The following MRTFA variants were observed in gnomAD, a reference collection of about 807,000 sequenced individuals.
The protein encoded by MRTFA is myocardin related transcription factor A.
Under a neutral mutation model 83.5 loss-of-function variants are expected in MRTFA, and 20 were observed. The observed-to-expected ratio is 0.24, with a 90% CI of 0.17 to 0.35. The LOEUF (loss-of-function observed/expected upper bound fraction) is 0.35, where lower values mean the gene tolerates loss of function less well. Ranked by LOEUF, MRTFA falls within the 10% of genes least tolerant of loss-of-function variation. The probability of loss-of-function intolerance (pLI) is 1.00; values close to 1 mark genes in which losing one functional copy is unlikely to be tolerated. For synonymous variants in MRTFA, 659 were observed against 541.2 expected (o/e 1.22, Z -3.02); for missense variants, 1,200 against 1,224.7 (o/e 0.98, Z 0.30).
chr22:40,486,512 C>T (rs1602321019), intron 3 of MRTFA, among the ~76,000 whole-genome samples: 1 of 152,114 alleles, frequency 6.6e-6, no homozygotes, highest in East Asian at 1.9e-4. Context: ...TTTCTTCCTT[C>T]CACTCTAGGA....
rs1569298815 is a variant in MRTFA at position 40,500,004 on chromosome 22, ACCG to A, written c.242-36721_242-36719del. ...TGGTACGATCTCGGCTCACCGGCTC[ACCG>A]CAACGTCCGCCTCCAGGGTTCAAGC... On this transcript the variant is annotated intron_variant, in intron 3 of 14. Coordinates refer to ENST00000355630, the MANE Select transcript of MRTFA (RefSeq NM_020831.6). Among the ~76,000 whole-genome samples, 49 of 133,392 alleles carry A rather than the reference ACCG, an allele frequency of 3.7e-4. 3 individuals carry two copies. Among genetic ancestry groups the A allele is most frequent in the African/African-American group, 1.3e-3 (44 of 34,936 alleles). The allele number at this position is 133,392 out of a possible 152,430, so 87.5% of individuals were successfully genotyped here.
intron 1 of MRTFA, among the ~76,000 whole-genome samples, chr22:40,624,033 C>T (rs958233122): frequency 2.6e-5 from 4 of 151,976 alleles, no homozygotes; most frequent in Non-Finnish European, 5.9e-5. Flanking sequence ...GAGCCCAGGA[C>T]ATAAAGGCTG....
At chr22:40,533,865 T>G in intron 3 of MRTFA, 1 of 360,544 alleles carries the variant, frequency 2.8e-6, no homozygotes, top group Non-Finnish European at 5.0e-6. Context: ...GCTCTCCAGT[T>G]AAGACATACT....
intron 3 of MRTFA, among the ~76,000 whole-genome samples, chr22:40,470,794 C>G (rs1178830339): frequency 1.3e-5 from 2 of 150,858 alleles, no homozygotes; most frequent in African/African-American, 4.9e-5. Context: ...ACTAAAAATA[C>G]AAAAATTAGC....
intron 2 of MRTFA, among the ~76,000 whole-genome samples, chr22:40,585,465 C>G (rs1216362626): frequency 6.6e-6 from 1 of 152,018 alleles, no homozygotes; most frequent in African/African-American, 2.4e-5. Flanking sequence ...GTTTCACAAG[C>G]TGAAAAGAGT....
At chr22:40,463,578 T>C (rs923214825) in intron 3 of MRTFA, 3 of 334,722 alleles carry the variant, frequency 9.0e-6, no homozygotes, top group Non-Finnish European at 1.1e-5. Flanking sequence ...TGAGTCCTCC[T>C]CCTAAAACTT....
At chr22:40,453,033 A>G (rs1292819533) in intron 4 of MRTFA, among the ~76,000 whole-genome samples, 1 of 152,176 alleles carries the variant, frequency 6.6e-6, no homozygotes, top group Non-Finnish European at 1.5e-5. Context: ...CAGAAGCGAG[A>G]CAAGGATGTT....
intron 4 of MRTFA, among the ~76,000 whole-genome samples, chr22:40,448,168 G>C (rs1315301571): frequency 1.3e-5 from 2 of 152,204 alleles, no homozygotes; most frequent in South Asian, 2.1e-4. Context: ...AAATCAGCTG[G>C]GTGTGACGGT....
chr22:40,504,157 T>G (rs1270930488), intron 3 of MRTFA, among the ~76,000 whole-genome samples: 3 of 152,184 alleles, frequency 2.0e-5, no homozygotes, highest in Admixed American at 6.5e-5. Context: ...AATTCATAAC[T>G]GACTACCTAA....
chr22:40,440,257 T>C (rs998073941), intron 4 of MRTFA, among the ~76,000 whole-genome samples: 1 of 152,092 alleles, frequency 6.6e-6, no homozygotes, highest in Non-Finnish European at 1.5e-5. Context: ...ATCCTCTTCA[T>C]AGCCCATGAG....
At chr22:40,510,426 TAAATAATTGATTGAA>T (rs2054649488) in intron 3 of MRTFA, among the ~76,000 whole-genome samples, 1 of 152,006 alleles carries the variant, frequency 6.6e-6, no homozygotes, top group African/African-American at 2.4e-5. Context: ...CACCTGCAGA[TAAATAATTGATTGAA>T]ATAAAACCCG....
At chr22:40,479,231 T>C (rs567116230) in intron 3 of MRTFA, among the ~76,000 whole-genome samples, 30 of 152,184 alleles carry the variant, frequency 2.0e-4, no homozygotes, top group South Asian at 1.2e-3. Context: ...ACATATACAG[T>C]AAGGAGCAGA....
At chr22:40,538,790 C>G (rs2055233997) in intron 3 of MRTFA, among the ~76,000 whole-genome samples, 1 of 151,996 alleles carries the variant, frequency 6.6e-6, no homozygotes, top group Non-Finnish European at 1.5e-5. Context: ...CTAAAGTAAA[C>G]TTTAACAAGG....
intron 1 of MRTFA, among the ~76,000 whole-genome samples, chr22:40,610,972 C>T (rs1348154972): frequency 8.2e-6 from 1 of 122,448 alleles, no homozygotes; most frequent in Non-Finnish European, 1.6e-5. Flanking sequence ...GAGACTTGCT[C>T]TGTTGTCCAG....
At position 40,535,150 on chromosome 22, in the gene MRTFA, A is replaced by G. The variant is rs1602397200; in HGVS notation, c.241+16956T>C. Among the ~76,000 whole-genome samples, 3 of 152,274 alleles carry G rather than the reference A, an allele frequency of 2.0e-5. No homozygotes were observed. In the East Asian group the frequency reaches 5.8e-4, roughly 29 times the overall value. On this transcript the variant is annotated intron_variant, in intron 3 of 14. Coordinates refer to ENST00000355630, the MANE Select transcript of MRTFA (RefSeq NM_020831.6). Reference sequence around the variant, plus strand: ...CTAAATGCTGCTCTGGGAAAGCAGAAGCATCTCACTGGCCCCTTCTGGCAA... The same window carrying G: ...CTAAATGCTGCTCTGGGAAAGCAGAGGCATCTCACTGGCCCCTTCTGGCAA...
intron 3 of MRTFA, among the ~76,000 whole-genome samples, chr22:40,478,825 T>C (rs372731811): frequency 6.6e-6 from 1 of 152,072 alleles, no homozygotes; most frequent in Non-Finnish European, 1.5e-5. Flanking sequence ...GAACCACACA[T>C]GGACACACCT....
chr22:40,418,616 G>C lies in MRTFA; in HGVS notation c.2122C>G (p.His708Asp). The change falls in exon 12 of 15, where the codon CAC (histidine) becomes GAC (aspartate). Residue 708 changes from histidine to aspartate, a missense_variant. This residue lies in a region of MRTFA where 1,107 missense variants were observed against 1,041.8 expected (regional missense o/e 1.06). Transcript: ENST00000355630. Reference sequence around the variant, plus strand: ...GGGGCCACAGCACAAGGGTCTATGTGGTTGGTGGCTGGGGCCGCCAGGCTG... The same window carrying C: ...GGGGCCACAGCACAAGGGTCTATGTCGTTGGTGGCTGGGGCCGCCAGGCTG... 6.5e-7 allele frequency: 1 copy of C among 1,534,408 alleles called. No individual in the cohort carries two copies. Among genetic ancestry groups the C allele is most frequent in the Non-Finnish European group, 8.7e-7 (1 of 1,146,854 alleles).
At chr22:40,442,350 G>A (rs1205150250) in intron 4 of MRTFA, among the ~76,000 whole-genome samples, 1 of 152,214 alleles carries the variant, frequency 6.6e-6, no homozygotes, top group African/African-American at 2.4e-5. Flanking sequence ...AGAGGTCACT[G>A]GAGTGCCACA....
Position 40,573,212 on chromosome 22 carries a change from G to A in MRTFA, c.-21-20845C>T, listed in dbSNP as rs146498827. Among the ~76,000 whole-genome samples the A allele has an allele frequency of 3.9e-3, 592 of 152,206 alleles. 1 individual carries two copies. Among genetic ancestry groups the A allele is most frequent in the Admixed American group, 6.7e-3 (103 of 15,286 alleles). ...AGTGGTGGCAGTTGCACAATCTTGC[G>A]AAAATACTGGAAACCACTGAATTGT... is the stretch of plus-strand genomic sequence containing the variant. On this transcript the variant is annotated intron_variant, in intron 2 of 14. Coordinates refer to ENST00000355630, the MANE Select transcript of MRTFA (RefSeq NM_020831.6).
Sources: allele counts gnomAD v4.1 joint callset (sites outside exome capture counted in the v4.1 genomes callset), GRCh38; gene constraint gnomAD v4.1.1; regional missense constraint gnomAD v4.1.1; transcripts MANE v1.5; gene names NCBI Gene and HGNC (gene_info 2026-07-23, HGNC 2026-07-21).